Variants in MEGF8 observed in about 807,000 individuals in gnomAD.
MEGF8 encodes multiple epidermal growth factor-like domains protein 8.
In MEGF8, 156 loss-of-function variants were observed where a neutral mutation model predicts 302.9. That is an observed-to-expected ratio of 0.52 (90% CI 0.45 to 0.59). The LOEUF (loss-of-function observed/expected upper bound fraction) is 0.59. Among genes scored for constraint, MEGF8 ranks in the 20% least tolerant of loss-of-function variants. The probability of loss-of-function intolerance (pLI) is 0.00; values close to 1 mark genes in which losing one functional copy is unlikely to be tolerated. For missense variants in MEGF8, 3,345 were observed against 3,964.5 expected, an observed-to-expected ratio of 0.84 and a Z score of 4.20; for synonymous variants, 1,621 against 1,660.5, an observed-to-expected ratio of 0.98 and a Z score of 0.58.
At position 42,368,942 on chromosome 19, in the gene MEGF8, A is replaced by G. The variant is rs779780127; in HGVS notation, c.6581A>G (p.Asn2194Ser). 1 of 1,613,926 alleles carries G rather than the reference A, an allele frequency of 6.2e-7. No individual in the cohort carries two copies. The highest frequency in any genetic ancestry group is 1.1e-5 in the South Asian group (1 of 91,092). Residue 2194 changes from asparagine (N) to serine (S), a missense_variant, in exon 37 of 42, where the codon AAT becomes AGT. Physicochemically the swap from Asn to Ser is conservative, Grantham distance 46. Coordinates refer to ENST00000251268, the MANE Select transcript of MEGF8 (RefSeq NM_001271938.2). This position sits in a 1 kb window ranked among gnomAD's most constrained non-coding sequence, Gnocchi z 4.9. ...CACCACGACTGCAACGAGACGCAGAATTGCCACGACCAGCCCCACGGCTAT... is the reference window on the plus strand; with the variant it reads ...CACCACGACTGCAACGAGACGCAGAGTTGCCACGACCAGCCCCACGGCTAT... ...NGHHDCNETQNCHDQPHGYEC... is the reference protein window; with the variant it reads ...NGHHDCNETQSCHDQPHGYEC...
chr19:42,337,371 G>A (rs758682025), intron 8 of MEGF8, among the ~76,000 whole-genome samples, 165 bp downstream of exon 8: 32 of 152,204 alleles, frequency 2.1e-4, no homozygotes, highest in Non-Finnish European at 4.0e-4. Context: ...CTAGGGCATC[G>A]TCACCATGGA....
chr19:42,335,192 C>G lies in MEGF8; in HGVS notation c.716C>G (p.Pro239Arg). ...GCAGCTGGCGCCTTCCTGTCCCCACCAGGGCTGCTGGCAGTTTTCGGAGGT... is the reference window on the plus strand; with the variant it reads ...GCAGCTGGCGCCTTCCTGTCCCCACGAGGGCTGCTGGCAGTTTTCGGAGGT... ...IGAAGAFLSP[P>R]GLLAVFGGQD... Residue 239 changes from proline (P) to arginine (R), a missense_variant, in exon 4 of 42, where the codon CCA becomes CGA. Physicochemically the swap from Pro to Arg is moderately radical, Grantham distance 103 (BLOSUM62 -2). Transcript: ENST00000251268. The G allele has an allele frequency of 1.9e-6, 3 of 1,613,982 alleles. No homozygotes were observed. The highest frequency in any genetic ancestry group is 2.5e-6 in the Non-Finnish European group (3 of 1,179,884).
intron 40 of MEGF8, 110 bp from the exon 41 acceptor site, chr19:42,371,240 C>A: frequency 7.0e-7 from 1 of 1,420,380 alleles, no homozygotes; most frequent in Non-Finnish European, 9.4e-7. Flanking sequence ...CCTCTGTGAA[C>A]CTCAGTTTCC....
chr19:42,334,266 CCTCCACGCCCAT>C, intron 3 of MEGF8, 53 bp downstream of exon 3: 1 of 1,471,802 alleles, frequency 6.8e-7, no homozygotes, highest in South Asian at 1.3e-5. Flanking sequence ...GTGAGCGCAG[CCTCCACGCCCAT>C]CTCCTAGGTC....
At chr19:42,343,930 C>G (rs779486767) in intron 9 of MEGF8, 24 bp from the exon 10 acceptor site, 19 of 1,609,566 alleles carry the variant, frequency 1.2e-5, no homozygotes, top group Non-Finnish European at 1.6e-5. Context: ...TTGCCTCCCC[C>G]TCTGTCCCCT....
Position 42,333,536 on chromosome 19 carries a change from G to T in MEGF8, c.188-69G>T, listed in dbSNP as rs1008948541. The T allele has an allele frequency of 4.7e-6, 7 of 1,488,090 alleles. No homozygotes were observed. In the South Asian group the frequency reaches 8.6e-5, roughly 18 times the overall value. The allele number at this position is 1,488,090 out of a possible 1,614,324, so 92.2% of individuals were successfully genotyped here. On this transcript the variant is annotated intron_variant, in intron 1 of 41. Coordinates refer to ENST00000251268, the MANE Select transcript of MEGF8 (RefSeq NM_001271938.2). ...GGATCAGGGTTTGGTGTACAATTGT[G>T]GGAGGCTGCAGGGAGGTGTGGGGAG...
chr19:42,353,533 G>A lies in MEGF8; in HGVS notation c.3619G>A (p.Gly1207Ser). The A allele has an allele frequency of 6.2e-7, 1 of 1,607,682 alleles. No homozygotes were observed. The highest frequency in any genetic ancestry group is 8.5e-7 in the Non-Finnish European group (1 of 1,177,752). ...CTTCGGCAACGCCACAGGCTCTAGGGGCTGCCGGCCCTGCCAGTGCAACGG... is the reference window on the plus strand; with the variant it reads ...CTTCGGCAACGCCACAGGCTCTAGGAGCTGCCGGCCCTGCCAGTGCAACGG... ...GSFGNATGSR[G>S]CRPCQCNGHG... The change falls in exon 21 of 42, where the codon GGC becomes AGC. Residue 1207 changes from glycine (G) to serine (S), a missense_variant. Gly to Ser is a moderately conservative substitution (Grantham distance 56). Coordinates refer to ENST00000251268, the MANE Select transcript of MEGF8 (RefSeq NM_001271938.2). This position sits in a 1 kb window ranked among gnomAD's most constrained non-coding sequence, Gnocchi z 6.1.
In MEGF8 at chr19:42,375,698, G is replaced by T; in HGVS notation, c.7461G>T (p.Val2487=). ...LFGVQPKFTN[V]DIRLTLDVTF... ...GCGTGCAGCCCAAATTCACCAACGT[G>T]GACATCCGCCTGACGCTGGACGTGA... The change falls in exon 42 of 42, where the codon GTG becomes GTT. Residue 2487 remains valine (V), a synonymous_variant. Transcript: ENST00000251268. This position sits in a 1 kb window ranked among gnomAD's most constrained non-coding sequence, Gnocchi z 7.1. 1 of 1,611,114 alleles carries T rather than the reference G, an allele frequency of 6.2e-7. No individual in the cohort carries two copies.
intron 8 of MEGF8, among the ~76,000 whole-genome samples, chr19:42,340,612 G>A (rs1268730546): frequency 6.6e-6 from 1 of 152,070 alleles, no homozygotes; most frequent in Non-Finnish European, 1.5e-5. Flanking sequence ...AAAGTGCTAG[G>A]ATTATAAGCA....
rs2039419242 is a variant in MEGF8, at chr19:42,354,178, A to C, written c.4011+154A>C. 6.8e-6 allele frequency among the ~76,000 whole-genome samples: 1 copy of C among 148,106 alleles called. No individual in the cohort carries two copies. Among genetic ancestry groups the C allele is most frequent in the African/African-American group, 2.5e-5 (1 of 39,840 alleles). On this transcript the variant is annotated intron_variant, in intron 22 of 41. Coordinates refer to ENST00000251268, the MANE Select transcript of MEGF8 (RefSeq NM_001271938.2). The surrounding 1 kb of genome is among the most constrained non-coding windows in gnomAD (Gnocchi z 4.3). ...CCAAACTCCTCCTCAGATCCCCAGC[A>C]CTTTGTTCCTAGGCCCACAGACAGA... is the stretch of plus-strand genomic sequence containing the variant.
rs574016604 is a variant in MEGF8, at chr19:42,373,248, A to C, written c.7269+1766A>C. 3.9e-3 allele frequency among the ~76,000 whole-genome samples: 572 copies of C among 147,728 alleles called. 7 individuals are homozygous for C. Among genetic ancestry groups the C allele is most frequent in the Non-Finnish European group, 6.0e-3 (399 of 67,042 alleles). On this transcript the variant is annotated intron_variant, in intron 41 of 41. Transcript: ENST00000251268. ...GCTGGGACTACAGGCACGTACCACC[A>C]CCCCCCGCTAATTTTTGTATTTTTA... is the stretch of plus-strand genomic sequence containing the variant.
In MEGF8 at chr19:42,344,327, C is replaced by A. The variant is rs1056634686; in HGVS notation, c.1789-114C>A. Reference sequence around the variant, plus strand: ...TCTCCCACATTCCAAGTCAACTCCCCGTTCTTCAGTTTTTTCGCCCTTTCC... The same window carrying A: ...TCTCCCACATTCCAAGTCAACTCCCAGTTCTTCAGTTTTTTCGCCCTTTCC... On this transcript the variant is annotated intron_variant, in intron 10 of 41. Transcript: ENST00000251268. This position sits in a 1 kb window ranked among gnomAD's most constrained non-coding sequence, Gnocchi z 4.5. 2 of 1,418,926 alleles carry A rather than the reference C, an allele frequency of 1.4e-6. No individual in the cohort carries two copies. Among genetic ancestry groups the A allele is most frequent in the African/African-American group, 2.9e-5 (2 of 69,830 alleles). The allele number at this position is 1,418,926 out of a possible 1,614,324, so 87.9% of individuals were successfully genotyped here. A position where few individuals can be genotyped will look rare whatever the true frequency, so the allele number is the denominator to read the frequency against.
intron 12 of MEGF8, 48 bp from the exon 13 acceptor site, chr19:42,348,224 G>T: frequency 6.8e-7 from 1 of 1,481,464 alleles, no homozygotes; most frequent in Non-Finnish European, 9.0e-7. Context: ...GATGTGGCCT[G>T]TGAGTCCAGA....
Position 42,343,960 on chromosome 19 carries a change from T to C in MEGF8, c.1675T>C (p.Leu559=). 6.2e-7 allele frequency: 1 copy of C among 1,613,596 alleles called. No homozygotes were observed. Among genetic ancestry groups the C allele is most frequent in the Non-Finnish European group, 8.5e-7 (1 of 1,179,652 alleles). ...TCCCCTTGCCTCCCTGCAGTACCACTTGGACTACTGCTCCATGTACACAGA... is the reference window on the plus strand; with the variant it reads ...TCCCCTTGCCTCCCTGCAGTACCACCTGGACTACTGCTCCATGTACACAGA... ...VFQAPAPDYH[L]DYCSMYTDHS... The change falls in exon 10 of 42, where the codon TTG becomes CTG. Residue 559 remains leucine, a synonymous_variant. Transcript: ENST00000251268.
At chr19:42,327,543 T>A (rs530820434) in intron 1 of MEGF8, among the ~76,000 whole-genome samples, 1 of 152,184 alleles carries the variant, frequency 6.6e-6, no homozygotes, top group Admixed American at 6.5e-5. Context: ...CCTTCTGGGC[T>A]CCCAGTCAGT....
chr19:42,358,120 G>A lies in MEGF8; in HGVS notation c.5012-24G>A. 2 of 1,525,892 alleles carry A rather than the reference G, an allele frequency of 1.3e-6. No individual in the cohort carries two copies. The highest frequency in any genetic ancestry group is 1.8e-6 in the Non-Finnish European group (2 of 1,138,248). 94.5% of individuals were successfully genotyped at this position (1,525,892 alleles called of 1,614,324 possible). A position where few individuals can be genotyped will look rare whatever the true frequency, so the allele number is the denominator to read the frequency against. ...AGTGCTGTTGTCAGCCCCTCCCCCAGCCTGTCACCCTGCCCCTCACCAGGT... is the reference window on the plus strand; with the variant it reads ...AGTGCTGTTGTCAGCCCCTCCCCCAACCTGTCACCCTGCCCCTCACCAGGT... On this transcript the variant is annotated intron_variant, in intron 28 of 41. Coordinates refer to ENST00000251268, the MANE Select transcript of MEGF8 (RefSeq NM_001271938.2). This position sits in a 1 kb window ranked among gnomAD's most constrained non-coding sequence, Gnocchi z 4.4.
rs1228453357 is a variant in MEGF8 at position 42,360,904 on chromosome 19, C to T, written c.5618C>T (p.Pro1873Leu). ...GGCCGCCTGCTGGCACTGACCCTGCCCCCTGACCCCTGCCGCCTGCTGTCC... is the reference window on the plus strand; with the variant it reads ...GGCCGCCTGCTGGCACTGACCCTGCTCCCTGACCCCTGCCGCCTGCTGTCC... Reference protein sequence around the residue: ...ALGRLLALTLPPDPCRLLSSP... With the variant: ...ALGRLLALTLLPDPCRLLSSP... Residue 1873 changes from proline (P) to leucine (L), a missense_variant, in exon 32 of 42, where the codon CCC becomes CTC. By Grantham distance (98) the Pro-to-Leu change is moderately conservative. Coordinates refer to ENST00000251268, the MANE Select transcript of MEGF8 (RefSeq NM_001271938.2). 1 of 1,612,984 alleles carries T rather than the reference C, an allele frequency of 6.2e-7. No homozygotes were observed. The highest frequency in any genetic ancestry group is 2.2e-5 in the East Asian group (1 of 44,878).
chr19:42,338,055 G>A (rs1600021914), intron 8 of MEGF8, among the ~76,000 whole-genome samples: 1 of 150,584 alleles, frequency 6.6e-6, no homozygotes, highest in East Asian at 2.0e-4. Flanking sequence ...ATCCTCCCAC[G>A]TCAGCCTCCC....
chr19:42,357,486 GT>G lies in MEGF8; in HGVS notation c.4915del (p.Tyr1639ThrfsTer91). The G allele has an allele frequency of 6.2e-7, 1 of 1,613,800 alleles. No homozygotes were observed. The highest frequency in any genetic ancestry group is 8.5e-7 in the Non-Finnish European group (1 of 1,179,818). The stretch of plus-strand genomic sequence containing the variant: ...GGCCTGTCTCTGCTCCTGGTGGGCG[GT>G]TACTCCCCGGAAAATGGCTTCAACC... Reference protein sequence around the residue: ...RRGLSLLLVGGYSPENGFNQQ... With the variant: ...RRGLSLLLVGXYSPENGFNQQ... On this transcript the variant is annotated frameshift_variant, in exon 28 of 42. Transcript: ENST00000251268. LOFTEE classifies it high-confidence loss of function. The surrounding 1 kb of genome is among the most constrained non-coding windows in gnomAD (Gnocchi z 5.2).
Sources: allele counts gnomAD v4.1 joint callset (sites outside exome capture counted in the v4.1 genomes callset), GRCh38; gene constraint gnomAD v4.1.1; non-coding constraint Gnocchi (gnomAD v3.1); transcripts MANE v1.5; gene names NCBI Gene and HGNC (gene_info 2026-07-23, HGNC 2026-07-21).